DET1: variants seen among roughly 807,000 people sequenced by gnomAD.
The protein encoded by DET1 is DET1 partner of COP1 E3 ubiquitin ligase.
A neutral mutation model predicts 43.7 loss-of-function variants in DET1; 22 were observed. The observed-to-expected ratio is 0.50, with a 90% CI of 0.36 to 0.72. DET1 has a LOEUF of 0.72. Among genes scored for constraint, DET1 ranks in the 30% least tolerant of loss-of-function variants. The pLI is 0.00. For synonymous variants in DET1, 315 were observed against 266.2 expected (o/e 1.18, Z -1.79); for missense variants, 713 against 713.3 (o/e 1.00, Z 0.00).
intron 4 of DET1, among the ~76,000 whole-genome samples, chr15:88,515,538 TATAAAAAAAAAA>T (rs1480271262): frequency 0.012 from 566 of 47,484 alleles, 25 homozygotes; most frequent in African/African-American, 0.051. Context: ...GACTCCGTCT[TATAAAAAAAAAA>T]AAAAAAAAAA....
intron 7 of DET1, among the ~76,000 whole-genome samples, chr15:88,506,347 G>T (rs1350092285): frequency 6.6e-6 from 1 of 152,004 alleles, no homozygotes; most frequent in Non-Finnish European, 1.5e-5. Context: ...AGGCACCATG[G>T]ATAAAGAATC....
intron 1 of DET1, chr15:88,536,431 G>A: frequency 1.4e-6 from 1 of 690,168 alleles, no homozygotes; most frequent in Non-Finnish European, 2.7e-6. Context: ...AATAATTAAT[G>A]GAGCAACAAT....
At position 88,513,059 on chromosome 15, in the gene DET1, T is replaced by C; in HGVS notation, c.1545A>G (p.Arg515=). ...LLGRPINHTV[R]RLVAFTFHPF... ...GGTGAAAGGTGAAGGCAACAAGGCG[T>C]CGCACTGTGTGGTTGATGGGGCGGC... Residue 515 remains arginine, a synonymous_variant, in exon 5 of 5, where the codon CGA becomes CGG. Coordinates refer to ENST00000268148, the MANE Select transcript of DET1 (RefSeq NM_001144074.3). 1 of 1,614,060 alleles carries C rather than the reference T, an allele frequency of 6.2e-7. No homozygotes were observed. Among genetic ancestry groups the C allele is most frequent in the East Asian group, 2.2e-5 (1 of 44,890 alleles).
intron 1 of DET1, among the ~76,000 whole-genome samples, chr15:88,538,958 T>G (rs748155135): frequency 6.6e-6 from 1 of 152,138 alleles, no homozygotes; most frequent in Non-Finnish European, 1.5e-5. Context: ...AGGACGCTAC[T>G]GGGTTGAGCC....
intron 3 of DET1, among the ~76,000 whole-genome samples, chr15:88,517,266 C>T (rs1429296821): frequency 1.5e-5 from 2 of 137,094 alleles, no homozygotes; most frequent in African/African-American, 2.8e-5. Flanking sequence ...CGCTTTGTTG[C>T]CCAGGCTGGA....
intron 1 of DET1, chr15:88,536,452 C>T (rs554494270): frequency 9.1e-6 from 6 of 655,802 alleles, no homozygotes; most frequent in Middle Eastern, 4.0e-4. Context: ...TGGTATGAGC[C>T]TTGAAGAATA....
At chr15:88,509,816 A>G (rs1385910896), downstream of DET1, among the ~76,000 whole-genome samples, 1 of 152,214 alleles carries the variant, frequency 6.6e-6, no homozygotes, top group African/African-American at 2.4e-5. Context: ...TCTCCAACGG[A>G]ACATGAAGGG....
At chr15:88,518,308 A>G (rs932737570) in intron 3 of DET1, among the ~76,000 whole-genome samples, 1 of 151,930 alleles carries the variant, frequency 6.6e-6, no homozygotes, top group African/African-American at 2.4e-5. Flanking sequence ...CTAAGGAATC[A>G]CTCCTACATG....
intron 1 of DET1, among the ~76,000 whole-genome samples, chr15:88,532,774 T>C (rs1393915361): frequency 6.6e-6 from 1 of 152,190 alleles, no homozygotes; most frequent in African/African-American, 2.4e-5. Context: ...TCTTACACCC[T>C]ATACAAAAAT....
intron 1 of DET1, among the ~76,000 whole-genome samples, chr15:88,539,786 C>A (rs1443957359): frequency 6.6e-6 from 1 of 152,168 alleles, no homozygotes; most frequent in Admixed American, 6.5e-5. Context: ...TCTCTGGCAC[C>A]ATGGAAGTTG....
rs552693534 is a variant in DET1, at chr15:88,530,780, T to A, written c.926A>T (p.Gln309Leu). The change falls in exon 2 of 5, where the codon CAG becomes CTG. Residue 309 changes from glutamine to leucine, a missense_variant. By Grantham distance (113) the Gln-to-Leu change is moderately radical. Coordinates refer to ENST00000268148, the MANE Select transcript of DET1 (RefSeq NM_001144074.3). ...LLVYLWRRAE[Q>L]DGSAMAKRRF... ...CCTCTTGGCCATTGCACTACCATCC[T>A]GTTCTGCCCGGCGCCACAAATATAC... 9 of 1,613,968 alleles carry A rather than the reference T, an allele frequency of 5.6e-6. No homozygotes were observed. In the South Asian group the frequency reaches 8.8e-5, roughly 16 times the overall value.
At chr15:88,543,031 G>C (rs945294973) in intron 1 of DET1, among the ~76,000 whole-genome samples, 3 of 152,192 alleles carry the variant, frequency 2.0e-5, no homozygotes, top group African/African-American at 7.2e-5. Flanking sequence ...TGCTATAAGA[G>C]GTAATGGCCC....
chr15:88,508,822 A>G (rs1420698365), downstream of DET1, among the ~76,000 whole-genome samples: 2 of 152,214 alleles, frequency 1.3e-5, no homozygotes, highest in Admixed American at 6.5e-5. Flanking sequence ...ATGAGCAGTA[A>G]TAAAAGAGAA....
chr15:88,519,754 C>T (rs764683197), intron 3 of DET1, among the ~76,000 whole-genome samples: 5 of 152,150 alleles, frequency 3.3e-5, no homozygotes, highest in Admixed American at 1.3e-4. Flanking sequence ...CTTCCTATTC[C>T]GTGCCTGTAC....
chr15:88,535,752 T>C (rs2056931722), intron 1 of DET1, among the ~76,000 whole-genome samples: 2 of 138,990 alleles, frequency 1.4e-5, no homozygotes, highest in Non-Finnish European at 3.0e-5. Flanking sequence ...TGAGACTCTG[T>C]CAAAAGAAAG....
chr15:88,530,469 G>GA (rs1375912674), intron 2 of DET1, among the ~76,000 whole-genome samples, 154 bp downstream of exon 2: 1 of 152,142 alleles, frequency 6.6e-6, no homozygotes, highest in Non-Finnish European at 1.5e-5. Context: ...TATGACCAGA[G>GA]AAAAATGGAG....
Position 88,516,418 on chromosome 15 carries a change from C to T in DET1, c.1463+364G>A, listed in dbSNP as rs1414207308. Among the ~76,000 whole-genome samples the T allele has an allele frequency of 6.6e-6, 1 of 152,144 alleles. No homozygotes were observed. The highest frequency in any genetic ancestry group is 1.5e-5 in the Non-Finnish European group (1 of 68,034). ...CTCTGCTATTTTTTCTATGAGGTAACATGGCGGGATAAAATAATTTGTGTT... is the reference window on the plus strand; with the variant it reads ...CTCTGCTATTTTTTCTATGAGGTAATATGGCGGGATAAAATAATTTGTGTT... On this transcript the variant is annotated intron_variant, in intron 4 of 4. Coordinates refer to ENST00000268148, the MANE Select transcript of DET1 (RefSeq NM_001144074.3). The surrounding 1 kb of genome is among the most constrained non-coding windows in gnomAD (Gnocchi z 4.4).
At chr15:88,522,345 TAGAC>T (rs1204956664) in intron 3 of DET1, among the ~76,000 whole-genome samples, 1 of 152,114 alleles carries the variant, frequency 6.6e-6, no homozygotes, top group Non-Finnish European at 1.5e-5. Flanking sequence ...CTTCAGGAAT[TAGAC>T]AGATATTTGG....
At chr15:88,523,727 T>C (rs1376646818) in intron 3 of DET1, among the ~76,000 whole-genome samples, 4 of 152,232 alleles carry the variant, frequency 2.6e-5, no homozygotes, top group Non-Finnish European at 5.9e-5. Flanking sequence ...AGACAGAGTC[T>C]CGCTCACTCA....
Sources: allele counts gnomAD v4.1 joint callset (sites outside exome capture counted in the v4.1 genomes callset), GRCh38; gene constraint gnomAD v4.1.1; non-coding constraint Gnocchi (gnomAD v3.1); transcripts MANE v1.5; gene names NCBI Gene and HGNC (gene_info 2026-07-23, HGNC 2026-07-21).